SNX25: variants seen among roughly 807,000 people sequenced by gnomAD.
SNX25 encodes the protein sorting nexin-25.
In SNX25, 62 loss-of-function variants were observed where a neutral mutation model predicts 113.7. That is an observed-to-expected ratio of 0.55 (90% CI 0.44 to 0.67). The LOEUF (loss-of-function observed/expected upper bound fraction) is 0.67, where lower values mean the gene tolerates loss of function less well. Ranked by LOEUF, SNX25 falls within the 30% of genes least tolerant of loss-of-function variation. The probability of loss-of-function intolerance (pLI) is 0.00; values close to 1 mark genes in which losing one functional copy is unlikely to be tolerated. For synonymous variants in SNX25, 421 were observed against 436.2 expected (o/e 0.97, Z 0.43); for missense variants, 1,014 against 1,161.0 (o/e 0.87, Z 1.84).
At chr4:185,348,748 C>T (rs1157600807) in intron 13 of SNX25, among the ~76,000 whole-genome samples, 1 of 152,138 alleles carries the variant, frequency 6.6e-6, no homozygotes, top group Non-Finnish European at 1.5e-5. Flanking sequence ...TCTTCTAGCT[C>T]CTTTTTGATA....
At chr4:185,229,450 T>A (rs1741501154) in intron 1 of SNX25, among the ~76,000 whole-genome samples, 2 of 152,208 alleles carry the variant, frequency 1.3e-5, no homozygotes, top group South Asian at 4.1e-4. Context: ...CTATGTCTGT[T>A]GTCTTTTTTC....
At chr4:185,355,426 A>G (rs146581800) in intron 15 of SNX25, among the ~76,000 whole-genome samples, 28 of 152,342 alleles carry the variant, frequency 1.8e-4, no homozygotes, top group African/African-American at 6.5e-4. Flanking sequence ...AAACAAAACC[A>G]TATCAGATAC....
At chr4:185,348,305 T>C (rs1283578525) in intron 13 of SNX25, among the ~76,000 whole-genome samples, 2 of 152,262 alleles carry the variant, frequency 1.3e-5, no homozygotes, top group Non-Finnish European at 2.9e-5. Context: ...TTCTGAATAT[T>C]TGTATCCTTT....
chr4:185,332,095 C>T (rs1192403566), intron 9 of SNX25, among the ~76,000 whole-genome samples: 1 of 152,070 alleles, frequency 6.6e-6, no homozygotes, highest in Non-Finnish European at 1.5e-5. Flanking sequence ...AATAATATAC[C>T]TATTGATTTG....
intron 16 of SNX25, among the ~76,000 whole-genome samples, chr4:185,358,027 G>A (rs1338677916): frequency 6.6e-6 from 1 of 152,324 alleles, no homozygotes; most frequent in African/African-American, 2.4e-5. Flanking sequence ...TCATGACGAC[G>A]AGTTTGAGTA....
At chr4:185,335,047 T>A (rs898484528) in intron 10 of SNX25, among the ~76,000 whole-genome samples, 7 of 151,452 alleles carry the variant, frequency 4.6e-5, no homozygotes, top group Non-Finnish European at 8.8e-5. Flanking sequence ...TGGCCAGGAG[T>A]GGTGGCTCAT....
At chr4:185,299,448 A>AC (rs1013513276) in intron 6 of SNX25, among the ~76,000 whole-genome samples, 1 of 152,042 alleles carries the variant, frequency 6.6e-6, no homozygotes, top group Non-Finnish European at 1.5e-5. Context: ...CAGATTGCTC[A>AC]CCCCCAACCC....
At chr4:185,271,834 A>G (rs1179542373) in intron 5 of SNX25, among the ~76,000 whole-genome samples, 1 of 152,266 alleles carries the variant, frequency 6.6e-6, no homozygotes, top group Non-Finnish European at 1.5e-5. Context: ...AACAAACACA[A>G]AAAACCTTGA....
intron 1 of SNX25, among the ~76,000 whole-genome samples, chr4:185,225,948 G>C (rs1313499250): frequency 6.6e-6 from 1 of 152,178 alleles, no homozygotes; most frequent in East Asian, 1.9e-4. Flanking sequence ...GCCTGATTCA[G>C]ATTTAAAACA....
rs962900270 is a variant in SNX25 at position 185,209,670 on chromosome 4, T to A, written c.-157T>A. Among the ~76,000 whole-genome samples the A allele has an allele frequency of 6.6e-6, 1 of 151,118 alleles. No individual in the cohort carries two copies. Among genetic ancestry groups the A allele is most frequent in the South Asian group, 2.1e-4 (1 of 4,824 alleles). ...CGGGCCCAGCGCCTGGTGGCGGCGC[T>A]GAGGGGTCGCCGAGAGGGGCCCGGC... is the stretch of plus-strand genomic sequence containing the variant. On this transcript the variant is annotated 5_prime_UTR_variant, in exon 1 of 19. Transcript: ENST00000652585. The surrounding 1 kb of genome is among the most constrained non-coding windows in gnomAD (Gnocchi z 5.2).
chr4:185,294,211 T>C (rs1488900530), intron 6 of SNX25, among the ~76,000 whole-genome samples: 2 of 152,150 alleles, frequency 1.3e-5, no homozygotes, highest in Non-Finnish European at 2.9e-5. Flanking sequence ...CAAAACACTT[T>C]GCTCAGCGAG....
chr4:185,298,197 T>A (rs914390247), intron 6 of SNX25, among the ~76,000 whole-genome samples: 1 of 150,904 alleles, frequency 6.6e-6, no homozygotes, highest in Admixed American at 6.6e-5. Flanking sequence ...CAAGCAATTC[T>A]CCTGCCTCAG....
exon 12 of SNX25, chr4:185,369,891 G>C: frequency 2.9e-6 from 1 of 349,038 alleles, no homozygotes. Context: ...TGTAATATCA[G>C]AGTCAGCCAA....
intron 2 of SNX25, among the ~76,000 whole-genome samples, chr4:185,258,323 G>A (rs1056046285): frequency 6.6e-6 from 1 of 152,166 alleles, no homozygotes; most frequent in African/African-American, 2.4e-5. Flanking sequence ...GCTAAATGTG[G>A]CAGGAACAGT....
chr4:185,232,682 A>G lies in SNX25; in HGVS notation c.430-14612A>G, dbSNP rs1276427243. Among the ~76,000 whole-genome samples the G allele has an allele frequency of 2.6e-5, 4 of 152,228 alleles. No homozygotes were observed. Among genetic ancestry groups the G allele is most frequent in the African/African-American group, 7.2e-5 (3 of 41,460 alleles). Reference sequence around the variant, plus strand: ...AAAAGCAATTCAACGTGACTCATCCAGTTGTTGAGTTACAGGACAGCTTTA... The same window carrying G: ...AAAAGCAATTCAACGTGACTCATCCGGTTGTTGAGTTACAGGACAGCTTTA... On this transcript the variant is annotated intron_variant, in intron 1 of 18. Transcript: ENST00000652585. This position sits in a 1 kb window ranked among gnomAD's most constrained non-coding sequence, Gnocchi z 4.4.
intron 1 of SNX25, among the ~76,000 whole-genome samples, chr4:185,214,012 G>A (rs560543577): frequency 6.6e-6 from 1 of 150,716 alleles, no homozygotes; most frequent in African/African-American, 2.4e-5. Context: ...TGATGTAACC[G>A]AGTACCCCTA....
At chr4:185,340,055 G>A (rs2095252054) in intron 11 of SNX25, among the ~76,000 whole-genome samples, 1 of 152,096 alleles carries the variant, frequency 6.6e-6, no homozygotes, top group African/African-American at 2.4e-5. Flanking sequence ...ACGCTTATAG[G>A]CGTTTATGTC....
At chr4:185,328,714 T>G (rs955352688) in intron 9 of SNX25, among the ~76,000 whole-genome samples, 2 of 152,190 alleles carry the variant, frequency 1.3e-5, no homozygotes, top group African/African-American at 4.8e-5. Context: ...CAGATGCTAT[T>G]TGATCTGCGA....
rs145895889 is a variant in SNX25 at position 185,265,024 on chromosome 4, G to T, written c.904+414G>T. On this transcript the variant is annotated intron_variant, in intron 4 of 18. Coordinates refer to ENST00000652585, the MANE Select transcript of SNX25 (RefSeq NM_001378034.2). The stretch of plus-strand genomic sequence containing the variant: ...TTTTTTTCTTTAAATAGAGATGGGG[G>T]TCTTACTATGTTGCCCAGGCAAGTC... Among the ~76,000 whole-genome samples the T allele has an allele frequency of 2.0e-4, 31 of 151,510 alleles. 1 individual carries two copies. Among genetic ancestry groups the T allele is most frequent in the Admixed American group, 1.3e-3 (20 of 15,210 alleles).
Sources: allele counts gnomAD v4.1 joint callset (sites outside exome capture counted in the v4.1 genomes callset), GRCh38; gene constraint gnomAD v4.1.1; non-coding constraint Gnocchi (gnomAD v3.1); transcripts MANE v1.5; gene names NCBI Gene and HGNC (gene_info 2026-07-23, HGNC 2026-07-21).